The following PIP5K1B variants were observed in gnomAD, a reference collection of about 807,000 sequenced individuals.
The protein encoded by PIP5K1B is phosphatidylinositol 4-phosphate 5-kinase type-1 beta.
A neutral mutation model predicts 67.0 loss-of-function variants in PIP5K1B; 42 were observed. That is an observed-to-expected ratio of 0.63 (90% confidence interval 0.49 to 0.81). PIP5K1B has a LOEUF of 0.81. PIP5K1B is among the 30% of genes least tolerant of loss of function. The pLI, the probability that PIP5K1B is intolerant of heterozygous loss-of-function variation, is 0.00. For missense variants in PIP5K1B, 459 were observed against 646.3 expected, an observed-to-expected ratio of 0.71 and a Z score of 3.14; for synonymous variants, 214 against 231.4, an observed-to-expected ratio of 0.92 and a Z score of 0.68.
rs1833999950 is a variant in PIP5K1B, at chr9:68,826,624, G to A, written c.69+3941G>A. 2.0e-5 allele frequency among the ~76,000 whole-genome samples: 3 copies of A among 152,316 alleles called. No homozygotes were observed. In the South Asian group the frequency reaches 6.2e-4, roughly 32 times the overall value. On this transcript the variant is annotated intron_variant, in intron 4 of 15. Coordinates refer to ENST00000265382, the MANE Select transcript of PIP5K1B (RefSeq NM_003558.4). ...GAAAAAAGGAGGATGCAAAAGAAGT[G>A]TAAGAACTTGTCTCTGCCTCCCCTG... is the stretch of plus-strand genomic sequence containing the variant.
chr9:68,901,308 A>G (rs1825341261), intron 8 of PIP5K1B, among the ~76,000 whole-genome samples: 1 of 152,130 alleles, frequency 6.6e-6, no homozygotes, highest in Non-Finnish European at 1.5e-5. Flanking sequence ...TGCCCAGGCT[A>G]TAGTGTAGTG....
chr9:68,808,202 A>G (rs1310091392), intron 2 of PIP5K1B, among the ~76,000 whole-genome samples: 1 of 152,168 alleles, frequency 6.6e-6, no homozygotes, highest in Non-Finnish European at 1.5e-5. Context: ...TGTCTCAAAA[A>G]CAAAACAAAA....
chr9:68,859,399 G>A (rs757307714), intron 4 of PIP5K1B, among the ~76,000 whole-genome samples: 1 of 152,172 alleles, frequency 6.6e-6, no homozygotes, highest in Non-Finnish European at 1.5e-5. Context: ...TGCTTTAGAG[G>A]TTTTTCTAGT....
Position 68,977,536 on chromosome 9 carries a change from G to T in PIP5K1B, c.1503-13604G>T, listed in dbSNP as rs531640002. Among the ~76,000 whole-genome samples, 13 of 152,158 alleles carry T rather than the reference G, an allele frequency of 8.5e-5. No homozygotes were observed. In the South Asian group the frequency reaches 2.7e-3, roughly 32 times the overall value. On this transcript the variant is annotated intron_variant, in intron 14 of 15. Transcript: ENST00000265382. ...AGACTTTGTCTCAAAAAAAGAAAGAGAAATTACTTTGATGGTGAAGGTTTT... is the reference window on the plus strand; with the variant it reads ...AGACTTTGTCTCAAAAAAAGAAAGATAAATTACTTTGATGGTGAAGGTTTT...
rs190682993 is a variant in PIP5K1B at position 68,965,807 on chromosome 9, A to T, written c.1502+25017A>T. On this transcript the variant is annotated intron_variant, in intron 14 of 15. Coordinates refer to ENST00000265382, the MANE Select transcript of PIP5K1B (RefSeq NM_003558.4). ...ATGATGAAACTCCGTGTCTACTAAA[A>T]ATACAAAAATTCGCCAGGCATGATG... is the stretch of plus-strand genomic sequence containing the variant. Among the ~76,000 whole-genome samples the T allele has an allele frequency of 2.2e-3, 336 of 152,106 alleles. 8 individuals carry two copies. The highest frequency in any genetic ancestry group is 2.3e-3 in the East Asian group (12 of 5,166).
intron 4 of PIP5K1B, among the ~76,000 whole-genome samples, chr9:68,849,507 A>G: frequency 6.6e-6 from 1 of 152,144 alleles, no homozygotes; most frequent in Non-Finnish European, 1.5e-5. Flanking sequence ...CAGCCTCCCC[A>G]GGCAAGAGCC....
chr9:68,777,331 A>G (rs920426363), intron 2 of PIP5K1B, among the ~76,000 whole-genome samples: 1 of 152,202 alleles, frequency 6.6e-6, no homozygotes, highest in African/African-American at 2.4e-5. Context: ...GAACAAAACA[A>G]AGGTCTTTCC....
chr9:68,893,479 A>G (rs1020761877), intron 7 of PIP5K1B, among the ~76,000 whole-genome samples: 2 of 151,760 alleles, frequency 1.3e-5, no homozygotes, highest in African/African-American at 4.8e-5. Flanking sequence ...GATTACAGGC[A>G]TGCGCCACCA....
intron 2 of PIP5K1B, among the ~76,000 whole-genome samples, chr9:68,770,895 C>T (rs949674626): frequency 2.6e-5 from 4 of 152,124 alleles, no homozygotes; most frequent in South Asian, 2.1e-4. Context: ...GAACATATAG[C>T]GGAAATGTAT....
intron 15 of PIP5K1B, among the ~76,000 whole-genome samples, chr9:68,997,736 T>C (rs1830656680): frequency 6.6e-6 from 1 of 152,250 alleles, no homozygotes; most frequent in Middle Eastern, 3.2e-3. Context: ...ATCTACAAGT[T>C]ATTCCCATTC....
At chr9:68,806,942 GTTTTTT>G (rs10550941) in intron 2 of PIP5K1B, among the ~76,000 whole-genome samples, 15 of 130,492 alleles carry the variant, frequency 1.1e-4, no homozygotes, top group Admixed American at 4.6e-4. Flanking sequence ...TTTGGCCTTG[GTTTTTT>G]TTTTTTTTTT....
chr9:68,893,249 A>C (rs1284848757), intron 7 of PIP5K1B, among the ~76,000 whole-genome samples: 1 of 152,064 alleles, frequency 6.6e-6, no homozygotes, highest in Non-Finnish European at 1.5e-5. Context: ...CTTTTCATTG[A>C]CTACATGCCG....
intron 14 of PIP5K1B, among the ~76,000 whole-genome samples, chr9:68,946,749 CCCCCA>C (rs1827823890): frequency 6.6e-6 from 1 of 152,154 alleles, no homozygotes; most frequent in African/African-American, 2.4e-5. Context: ...GACCTTCCTA[CCCCCA>C]CCACCTCAGA....
At chr9:68,936,617 A>G (rs1292353576) in intron 13 of PIP5K1B, among the ~76,000 whole-genome samples, 5 of 151,998 alleles carry the variant, frequency 3.3e-5, no homozygotes, top group African/African-American at 1.2e-4. Context: ...TGTTATTTCT[A>G]TTCCTTCTTC....
At chr9:68,837,868 G>T (rs1325251355) in intron 4 of PIP5K1B, among the ~76,000 whole-genome samples, 4 of 151,592 alleles carry the variant, frequency 2.6e-5, no homozygotes, top group African/African-American at 9.7e-5. Flanking sequence ...TGTGATTTTT[G>T]TTGAAATTAT....
intron 4 of PIP5K1B, among the ~76,000 whole-genome samples, chr9:68,858,621 C>A (rs920322218): frequency 7.9e-5 from 12 of 152,124 alleles, no homozygotes; most frequent in African/African-American, 2.4e-4. Flanking sequence ...GGACTTAATC[C>A]TCCAGGGAGG....
At chr9:68,868,139 T>C (rs1245361018) in intron 5 of PIP5K1B, among the ~76,000 whole-genome samples, 1 of 152,120 alleles carries the variant, frequency 6.6e-6, no homozygotes, top group African/African-American at 2.4e-5. Flanking sequence ...TTCCAAAATC[T>C]CAAAGTAGAT....
chr9:68,849,617 C>T (rs1303153128), intron 4 of PIP5K1B, among the ~76,000 whole-genome samples: 1 of 152,198 alleles, frequency 6.6e-6, no homozygotes, highest in Non-Finnish European at 1.5e-5. Flanking sequence ...CCACCCACCT[C>T]GGCCTCCCAA....
chr9:68,945,300 C>T (rs979936172), intron 14 of PIP5K1B, among the ~76,000 whole-genome samples: 1 of 152,084 alleles, frequency 6.6e-6, no homozygotes, highest in African/African-American at 2.4e-5. Flanking sequence ...CACCCGCCAC[C>T]ACTCCTGGCT....
Sources: gnomAD v4.1 joint callset for allele counts (sites outside exome capture counted in the v4.1 genomes callset) on GRCh38, gnomAD v4.1.1 for gene constraint, MANE v1.5 for transcripts, NCBI Gene and HGNC (gene_info 2026-07-23, HGNC 2026-07-21) for gene names.